Variants in RB1CC1 observed in about 807,000 individuals in gnomAD.
RB1CC1 encodes RB1-inducible coiled-coil protein 1.
A neutral mutation model predicts 177.5 loss-of-function variants in RB1CC1; 46 were observed. That is an observed-to-expected ratio of 0.26 (90% CI 0.20 to 0.33). RB1CC1 has a LOEUF of 0.33. RB1CC1 is among the 10% of genes least tolerant of loss of function. The pLI is 1.00. For missense variants in RB1CC1, 1,703 were observed against 1,816.3 expected, an observed-to-expected ratio of 0.94 and a Z score of 1.13; for synonymous variants, 666 against 613.6, an observed-to-expected ratio of 1.09 and a Z score of -1.26.
intron 20 of RB1CC1, 73 bp from the exon 21 acceptor site, chr8:52,630,601 C>A: frequency 6.8e-7 from 1 of 1,466,910 alleles, no homozygotes; most frequent in South Asian, 1.4e-5. Context: ...AAAAATTTCA[C>A]CCACTGTTAT....
chr8:52,642,445 G>A lies in RB1CC1; in HGVS notation c.4243C>T (p.Pro1415Ser). 1 of 1,614,004 alleles carries A rather than the reference G, an allele frequency of 6.2e-7. No homozygotes were observed. The highest frequency in any genetic ancestry group is 8.5e-7 in the Non-Finnish European group (1 of 1,179,958). The stretch of plus-strand genomic sequence containing the variant: ...CTATCTGATTCACCTGGGAGTTCAG[G>A]TGCACAAGCTCCATAAAGTTCTGGG... ...TAPELYGACA[P>S]ELPGESDRSA... Residue 1415 changes from proline to serine, a missense_variant, in exon 18 of 24, where the codon CCT (proline) becomes TCT (serine). Transcript: ENST00000025008.
intron 15 of RB1CC1, among the ~76,000 whole-genome samples, chr8:52,654,188 A>G (rs1016883198): frequency 1.3e-5 from 2 of 152,224 alleles, no homozygotes; most frequent in African/African-American, 4.8e-5. Flanking sequence ...AATATGGGCA[A>G]AAGACATTTA....
At position 52,674,138 on chromosome 8, in the gene RB1CC1, A is replaced by T. The variant is rs1460201974; in HGVS notation, c.709T>A (p.Ser237Thr). 6.2e-7 allele frequency: 1 copy of T among 1,613,982 alleles called. No individual in the cohort carries two copies. Among genetic ancestry groups the T allele is most frequent in the Non-Finnish European group, 8.5e-7 (1 of 1,179,962 alleles). The change falls in exon 7 of 24, where the codon TCC becomes ACC. Residue 237 changes from serine to threonine, a missense_variant. Transcript: ENST00000025008. ...TCAGGAGAGAGCACCAGTTCAGTGG[A>T]TCTTTTCATCTCAGCTTTTTCTGAG... ...EDSEKAEMKRSTELVLSPDMP... is the reference protein window; with the variant it reads ...EDSEKAEMKRTTELVLSPDMP...
chr8:52,697,580 G>A (rs545678939), intron 1 of RB1CC1, among the ~76,000 whole-genome samples: 10 of 152,264 alleles, frequency 6.6e-5, no homozygotes, highest in African/African-American at 2.4e-4. Flanking sequence ...CTTTAAACTA[G>A]TCTAGCAAAA....
At chr8:52,683,787 T>C in intron 4 of RB1CC1, 68 bp from the exon 5 acceptor site, 1 of 1,562,726 alleles carries the variant, frequency 6.4e-7, no homozygotes, top group Non-Finnish European at 8.7e-7. Context: ...GCACATTGCC[T>C]TCAATATATG....
intron 22 of RB1CC1, among the ~76,000 whole-genome samples, chr8:52,626,186 G>A (rs1379006755): frequency 1.3e-5 from 2 of 152,112 alleles, no homozygotes; most frequent in African/African-American, 2.4e-5. Flanking sequence ...CTCTCCCAAG[G>A]CAACAACACA....
chr8:52,662,491 T>C (rs534580993), intron 8 of RB1CC1, among the ~76,000 whole-genome samples: 4 of 152,218 alleles, frequency 2.6e-5, no homozygotes, highest in South Asian at 2.1e-4. Context: ...TATTACTACA[T>C]ACTTTATTGC....
chr8:52,680,694 C>T (rs1466838060), intron 5 of RB1CC1, among the ~76,000 whole-genome samples: 1 of 152,078 alleles, frequency 6.6e-6, no homozygotes, highest in Non-Finnish European at 1.5e-5. Flanking sequence ...GTGGCATATT[C>T]GTACAATAGA....
chr8:52,658,483 A>AGGAGAACTGCT (rs1348430383), intron 13 of RB1CC1, among the ~76,000 whole-genome samples: 2 of 150,056 alleles, frequency 1.3e-5, no homozygotes, highest in African/African-American at 2.4e-5. Flanking sequence ...AGGCTGAGGC[A>AGGAGAACTGCT]GGAGAACTGC....
rs995968089 is a variant in RB1CC1, at chr8:52,661,440, T to C, written c.1358+95A>G. ...AAAGTTCATCAATAAGGTATTTCAA[T>C]AAAATGGTAGGGAAAAATCACTCCA... is the stretch of plus-strand genomic sequence containing the variant. On this transcript the variant is annotated intron_variant, in intron 9 of 23. Coordinates refer to ENST00000025008, the MANE Select transcript of RB1CC1 (RefSeq NM_014781.5). 5.5e-6 allele frequency: 8 copies of C among 1,458,858 alleles called. No homozygotes were observed. In the African/African-American group the frequency reaches 1.1e-4, roughly 21 times the overall value. The allele number at this position is 1,458,858 out of a possible 1,614,324, so 90.4% of individuals were successfully genotyped here.
intron 20 of RB1CC1, among the ~76,000 whole-genome samples, chr8:52,631,088 A>T (rs1848719298): frequency 6.6e-6 from 1 of 152,186 alleles, no homozygotes; most frequent in Non-Finnish European, 1.5e-5. Context: ...CGGTTAGCTT[A>T]GACCTAAACT....
chr8:52,681,553 G>C (rs533159767), intron 5 of RB1CC1, among the ~76,000 whole-genome samples: 1 of 152,234 alleles, frequency 6.6e-6, no homozygotes, highest in East Asian at 1.9e-4. Context: ...TTAGACCTAT[G>C]TTACTGTTTT....
At chr8:52,647,205 T>A (rs1850126110) in intron 15 of RB1CC1, among the ~76,000 whole-genome samples, 1 of 152,218 alleles carries the variant, frequency 6.6e-6, no homozygotes, top group African/African-American at 2.4e-5. Flanking sequence ...TTAAACTTGC[T>A]GCTCAGATAA....
At chr8:52,683,859 T>C in intron 4 of RB1CC1, 28 bp downstream of exon 4, 3 of 1,605,710 alleles carry the variant, frequency 1.9e-6, no homozygotes, top group Non-Finnish European at 2.5e-6. Context: ...TGTTGCATTC[T>C]TGTGTGAAAG....
Position 52,657,591 on chromosome 8 carries a change from C to T in RB1CC1, c.2238G>A (p.Ser746=), listed in dbSNP as rs753074699. 54 of 1,614,018 alleles carry T rather than the reference C, an allele frequency of 3.3e-5. No homozygotes were observed. The highest frequency in any genetic ancestry group is 1.5e-4 in the Admixed American group (9 of 60,012). ...VNEFVIEENL[S]SPNPISDPQS... Reference sequence around the variant, plus strand: ...GTGGATCACTTATAGGATTAGGAGACGACAAATTTTCTTCTATTACAAACT... The same window carrying T: ...GTGGATCACTTATAGGATTAGGAGATGACAAATTTTCTTCTATTACAAACT... Residue 746 remains serine (S), a synonymous_variant, in exon 15 of 24, where the codon TCG becomes TCA. Transcript: ENST00000025008.
intron 1 of RB1CC1, among the ~76,000 whole-genome samples, chr8:52,704,981 A>C (rs541704968): frequency 2.6e-5 from 4 of 152,342 alleles, no homozygotes; most frequent in African/African-American, 9.6e-5. Context: ...GTAACAGGTT[A>C]GTAACTCAAC....
chr8:52,663,383 G>A (rs1851796416), intron 8 of RB1CC1, among the ~76,000 whole-genome samples: 1 of 151,758 alleles, frequency 6.6e-6, no homozygotes. Context: ...CCATGTAGAA[G>A]GGTCTACAAC....
At chr8:52,659,688 T>C (rs1252968287) in intron 12 of RB1CC1, among the ~76,000 whole-genome samples, 1 of 152,184 alleles carries the variant, frequency 6.6e-6, no homozygotes, top group Non-Finnish European at 1.5e-5. Context: ...AATCCTGCAG[T>C]ATAGAAACAT....
chr8:52,660,557 C>A, intron 12 of RB1CC1, 39 bp downstream of exon 12: 1 of 1,512,960 alleles, frequency 6.6e-7, no homozygotes, highest in Non-Finnish European at 9.0e-7. Context: ...GGTTTTAAAA[C>A]ATATGGAATT....
Sources: gnomAD v4.1 joint callset for allele counts (sites outside exome capture counted in the v4.1 genomes callset) on GRCh38, gnomAD v4.1.1 for gene constraint, MANE v1.5 for transcripts, NCBI Gene and HGNC (gene_info 2026-07-23, HGNC 2026-07-21) for gene names.